Variants in GABRG3 observed in about 807,000 individuals in gnomAD.
The protein encoded by GABRG3 is gamma-aminobutyric acid receptor subunit gamma-3.
GABRG3 carries 25 observed loss-of-function variants against 48.8 expected under a neutral mutation model. The ratio of observed to expected loss-of-function variants is 0.51; its 90% CI spans 0.37 to 0.72. GABRG3 has a LOEUF of 0.72. Among genes scored for constraint, GABRG3 ranks in the 30% least tolerant of loss-of-function variants. GABRG3 has a pLI of 0.00. For synonymous variants in GABRG3, 227 were observed against 217.6 expected (o/e 1.04, Z -0.38); for missense variants, 394 against 577.9 (o/e 0.68, Z 3.26).
intron 3 of GABRG3, among the ~76,000 whole-genome samples, chr15:27,246,502 T>G (rs980455497): frequency 1.3e-5 from 2 of 152,232 alleles, no homozygotes; most frequent in African/African-American, 4.8e-5. Flanking sequence ...ATCATTTTGT[T>G]ACGAATGTAT....
At chr15:27,025,526 C>G (rs1895969750) in intron 2 of GABRG3, among the ~76,000 whole-genome samples, 1 of 152,206 alleles carries the variant, frequency 6.6e-6, no homozygotes, top group Non-Finnish European at 1.5e-5. Flanking sequence ...ATGCCAGCTG[C>G]TCTTGCAGCT....
chr15:27,508,999 T>G (rs1263263391), intron 6 of GABRG3, among the ~76,000 whole-genome samples: 1 of 152,140 alleles, frequency 6.6e-6, no homozygotes, highest in Admixed American at 6.6e-5. Flanking sequence ...GATTATAGGC[T>G]TGAGCCACCG....
At chr15:27,246,866 G>A (rs1039767097) in intron 3 of GABRG3, among the ~76,000 whole-genome samples, 1 of 152,194 alleles carries the variant, frequency 6.6e-6, no homozygotes, top group Non-Finnish European at 1.5e-5. Flanking sequence ...GGAAGAACAC[G>A]TTAAGTAGCG....
At chr15:27,050,857 A>G (rs1291591259) in intron 3 of GABRG3, among the ~76,000 whole-genome samples, 1 of 152,200 alleles carries the variant, frequency 6.6e-6, no homozygotes, top group Non-Finnish European at 1.5e-5. Context: ...TATTACCAAT[A>G]GCTGTACATA....
chr15:27,305,523 T>A (rs1170120747), intron 3 of GABRG3, among the ~76,000 whole-genome samples: 1 of 146,112 alleles, frequency 6.8e-6, no homozygotes, highest in Non-Finnish European at 1.5e-5. Flanking sequence ...AACATATATA[T>A]AATATAAACC....
chr15:27,078,581 G>A (rs1243777854), intron 3 of GABRG3, among the ~76,000 whole-genome samples: 1 of 152,192 alleles, frequency 6.6e-6, no homozygotes, highest in Non-Finnish European at 1.5e-5. Flanking sequence ...AGGGTACCGA[G>A]GCTATGATAG....
chr15:27,413,840 A>G (rs796409681), intron 5 of GABRG3, among the ~76,000 whole-genome samples: 11 of 152,300 alleles, frequency 7.2e-5, no homozygotes, highest in African/African-American at 2.6e-4. Context: ...TGAGATACCA[A>G]TTTTTCTACA....
At chr15:27,242,575 C>T (rs374650123) in intron 3 of GABRG3, among the ~76,000 whole-genome samples, 33 of 152,260 alleles carry the variant, frequency 2.2e-4, no homozygotes, top group African/African-American at 7.7e-4. Context: ...ATTGCTAATA[C>T]TTCCCAATCA....
chr15:27,385,515 A>G (rs924774941), intron 5 of GABRG3, among the ~76,000 whole-genome samples: 9 of 151,952 alleles, frequency 5.9e-5, no homozygotes, highest in African/African-American at 2.2e-4. Context: ...GTGTTGAAGC[A>G]CTAACTGACG....
intron 5 of GABRG3, among the ~76,000 whole-genome samples, chr15:27,466,165 G>T (rs1024444567): frequency 6.6e-6 from 1 of 152,186 alleles, no homozygotes; most frequent in African/African-American, 2.4e-5. Flanking sequence ...GAAGAGTCTG[G>T]CGTAGTTTCT....
At chr15:27,212,390 A>T (rs1889105982) in intron 3 of GABRG3, among the ~76,000 whole-genome samples, 1 of 152,182 alleles carries the variant, frequency 6.6e-6, no homozygotes, top group African/African-American at 2.4e-5. Context: ...ATGATAGTTG[A>T]AGTCTTGGCT....
intron 3 of GABRG3, among the ~76,000 whole-genome samples, chr15:27,079,650 A>G (rs983606599): frequency 2.0e-5 from 3 of 152,164 alleles, no homozygotes; most frequent in African/African-American, 7.2e-5. Context: ...GATGGTTCTC[A>G]CCAGTGAGAC....
At chr15:27,336,208 AAGAG>A (rs71285057) in intron 5 of GABRG3, among the ~76,000 whole-genome samples, 11,550 of 138,706 alleles carry the variant, frequency 0.083, 619 homozygotes, top group African/African-American at 0.17. Flanking sequence ...GAAAGAAAGA[AAGAG>A]AGAGAGAGAG....
At chr15:27,022,567 A>G (rs1430564363) in intron 2 of GABRG3, among the ~76,000 whole-genome samples, 1 of 152,218 alleles carries the variant, frequency 6.6e-6, no homozygotes, top group Admixed American at 6.5e-5. Flanking sequence ...GATGTCGGGA[A>G]CTTTCTTCAA....
At chr15:27,489,260 T>C (rs563022276) in intron 6 of GABRG3, among the ~76,000 whole-genome samples, 73 of 152,364 alleles carry the variant, frequency 4.8e-4, no homozygotes, top group African/African-American at 1.7e-3. Flanking sequence ...TGCCACATTT[T>C]CTTTATCCAG....
chr15:27,509,097 C>T (rs1424432176), intron 6 of GABRG3, among the ~76,000 whole-genome samples: 1 of 152,168 alleles, frequency 6.6e-6, no homozygotes, highest in Admixed American at 6.5e-5. Context: ...CTGAGTTTCA[C>T]TGTGGGTTTA....
chr15:27,511,458 A>G (rs1415250516), intron 6 of GABRG3, among the ~76,000 whole-genome samples: 1 of 152,228 alleles, frequency 6.6e-6, no homozygotes, highest in East Asian at 1.9e-4. Flanking sequence ...GAGATTAGCT[A>G]TACTGCTACT....
intron 3 of GABRG3, among the ~76,000 whole-genome samples, chr15:27,124,118 G>A (rs1897777889): frequency 6.6e-6 from 1 of 152,214 alleles, no homozygotes; most frequent in South Asian, 2.1e-4. Flanking sequence ...GATCACAGAA[G>A]AATGGTCTGT....
intron 5 of GABRG3, among the ~76,000 whole-genome samples, chr15:27,388,373 GAA>G (rs1896107833): frequency 7.9e-6 from 1 of 125,810 alleles, no homozygotes; most frequent in Non-Finnish European, 1.7e-5. Context: ...AGGAAGAAAG[GAA>G]GGAAGGAAGG....
Sources: gnomAD v4.1 joint callset for allele counts (sites outside exome capture counted in the v4.1 genomes callset) on GRCh38, gnomAD v4.1.1 for gene constraint, MANE v1.5 for transcripts, NCBI Gene and HGNC (gene_info 2026-07-23, HGNC 2026-07-21) for gene names.